The following SNX4 variants were observed in gnomAD, a reference collection of about 807,000 sequenced individuals.
The protein encoded by SNX4 is sorting nexin-4.
A neutral mutation model predicts 70.8 loss-of-function variants in SNX4; 49 were observed. The observed-to-expected ratio is 0.69, with a 90% CI of 0.55 to 0.88. The LOEUF is 0.88. SNX4 is among the 40% of genes least tolerant of loss of function. The pLI, the probability that SNX4 is intolerant of heterozygous loss-of-function variation, is 0.00. For missense variants in SNX4, 528 were observed against 544.8 expected, an observed-to-expected ratio of 0.97 and a Z score of 0.31; for synonymous variants, 206 against 183.8, an observed-to-expected ratio of 1.12 and a Z score of -0.98.
At chr3:125,499,715 T>C (rs1934882122) in intron 2 of SNX4, among the ~76,000 whole-genome samples, 1 of 148,916 alleles carries the variant, frequency 6.7e-6, no homozygotes, top group African/African-American at 2.5e-5. Flanking sequence ...AAATAAAGCC[T>C]ATAAGCAGTA....
Position 125,480,203 on chromosome 3 carries a change from C to G in SNX4, c.726+44G>C, listed in dbSNP as rs775649039. On this transcript the variant is annotated intron_variant, in intron 7 of 13. Transcript: ENST00000251775. ...AAACAGAATGATTACATGAGAAGCA[C>G]TTCCTTATGCATGTGCATCAAAAAG... 4.1e-6 allele frequency: 5 copies of G among 1,230,346 alleles called. No homozygotes were observed. The South Asian group carries it at 7.9e-5, about 20-fold the overall frequency. The allele number at this position is 1,230,346 out of a possible 1,614,324, so 76.2% of individuals were successfully genotyped here. A position where few individuals can be genotyped will look rare whatever the true frequency, so the allele number is the denominator to read the frequency against.
intron 9 of SNX4, among the ~76,000 whole-genome samples, chr3:125,468,460 G>T (rs1021850329): frequency 6.6e-6 from 1 of 152,138 alleles, no homozygotes; most frequent in Non-Finnish European, 1.5e-5. Context: ...CAGCACTTTG[G>T]GAGGTTGAGA....
chr3:125,503,122 G>T (rs946008685), intron 2 of SNX4, among the ~76,000 whole-genome samples: 1 of 151,980 alleles, frequency 6.6e-6, no homozygotes, highest in Non-Finnish European at 1.5e-5. Flanking sequence ...GGCCAGGGTG[G>T]TCTCAAACTC....
At chr3:125,464,528 TGTACAGA>T (rs1407425993) in intron 9 of SNX4, among the ~76,000 whole-genome samples, 1 of 151,562 alleles carries the variant, frequency 6.6e-6, no homozygotes, top group Non-Finnish European at 1.5e-5. Context: ...AGTCTATTTC[TGTACAGA>T]ATTCTGTTCC....
intron 6 of SNX4, among the ~76,000 whole-genome samples, chr3:125,484,043 G>A (rs984773184): frequency 6.6e-6 from 1 of 152,248 alleles, no homozygotes; most frequent in Non-Finnish European, 1.5e-5. Flanking sequence ...CTAGGAAGAT[G>A]GTGACATAAA....
chr3:125,504,559 T>G, intron 2 of SNX4, 64 bp downstream of exon 2: 3 of 1,471,352 alleles, frequency 2.0e-6, no homozygotes, highest in Admixed American at 4.0e-5. Flanking sequence ...CAGCAGAGTC[T>G]GCATCAATAG....
intron 8 of SNX4, among the ~76,000 whole-genome samples, chr3:125,469,997 A>C (rs1934124877): frequency 6.6e-6 from 1 of 152,210 alleles, no homozygotes; most frequent in Non-Finnish European, 1.5e-5. Context: ...CAGTAGGTGC[A>C]GAGTAAAGTT....
chr3:125,506,817 T>TGAAAAAAAAAAAAAAAA (rs199752160), intron 1 of SNX4, among the ~76,000 whole-genome samples: 2 of 26,820 alleles, frequency 7.5e-5, no homozygotes, highest in African/African-American at 1.9e-4. Context: ...GTGGAGAAAG[T>TGAAAAAAAAAAAAAAAA]AAAAAAAAAA....
chr3:125,482,049 T>C (rs1340914918), intron 6 of SNX4, among the ~76,000 whole-genome samples: 1 of 152,184 alleles, frequency 6.6e-6, no homozygotes, highest in Non-Finnish European at 1.5e-5. Flanking sequence ...CAGGTAGTTA[T>C]ACTTTGAAAA....
chr3:125,511,861 G>A (rs1935180780), intron 1 of SNX4, among the ~76,000 whole-genome samples: 1 of 152,058 alleles, frequency 6.6e-6, no homozygotes, highest in Non-Finnish European at 1.5e-5. Flanking sequence ...CCACTATAAG[G>A]TCTGAAAGAG....
chr3:125,519,957 CA>C, intron 1 of SNX4, 74 bp downstream of exon 1: 2 of 1,200,540 alleles, frequency 1.7e-6, no homozygotes, highest in Non-Finnish European at 1.1e-6. Flanking sequence ...CGGCCCAGCC[CA>C]GCCCAGCCCA....
At chr3:125,458,763 C>T (rs571265368) in intron 10 of SNX4, among the ~76,000 whole-genome samples, 1 of 124,970 alleles carries the variant, frequency 8.0e-6, no homozygotes, top group South Asian at 2.7e-4. Flanking sequence ...TGCAGTGAGC[C>T]GAGATCACGC....
chr3:125,486,414 T>C (rs1366591759), intron 6 of SNX4, among the ~76,000 whole-genome samples: 2 of 152,204 alleles, frequency 1.3e-5, no homozygotes, highest in Admixed American at 1.3e-4. Context: ...ATGAAACTTC[T>C]ACTATGCAAT....
intron 1 of SNX4, among the ~76,000 whole-genome samples, chr3:125,516,406 A>G (rs1470013089): frequency 6.6e-6 from 1 of 152,226 alleles, no homozygotes; most frequent in African/African-American, 2.4e-5. Context: ...ACAGAAAAAG[A>G]GCTTACATAG....
chr3:125,494,995 T>C (rs1934751677), intron 5 of SNX4, among the ~76,000 whole-genome samples: 1 of 152,022 alleles, frequency 6.6e-6, no homozygotes, highest in African/African-American at 2.4e-5. Context: ...CACTCACTTT[T>C]TAATCCTCTG....
At chr3:125,484,052 A>C (rs1302650680) in intron 6 of SNX4, among the ~76,000 whole-genome samples, 1 of 152,212 alleles carries the variant, frequency 6.6e-6, no homozygotes, top group African/African-American at 2.4e-5. Flanking sequence ...TGGTGACATA[A>C]AACTTCCCTC....
At chr3:125,470,679 G>C (rs975171383) in intron 8 of SNX4, among the ~76,000 whole-genome samples, 1 of 151,904 alleles carries the variant, frequency 6.6e-6, no homozygotes, top group African/African-American at 2.4e-5. Flanking sequence ...TCAAGATTTT[G>C]GACAGGAATG....
In SNX4 at chr3:125,520,179, A is replaced by C. The variant is rs941453187; in HGVS notation, c.-7T>G. 7.1e-6 allele frequency: 8 copies of C among 1,129,814 alleles called. No individual in the cohort carries two copies. Among genetic ancestry groups the C allele is most frequent in the African/African-American group, 1.7e-5 (1 of 57,472 alleles). The allele number at this position is 1,129,814 out of a possible 1,614,324, so 70.0% of individuals were successfully genotyped here. A position where few individuals can be genotyped will look rare whatever the true frequency, so the allele number is the denominator to read the frequency against. On this transcript the variant is annotated 5_prime_UTR_variant, in exon 1 of 14. Coordinates refer to ENST00000251775, the MANE Select transcript of SNX4 (RefSeq NM_003794.4). ...CCGGAGGTGCCTGCTCCATGGCTGCAGTTCGGCGCGGCGAACCCAGTGCGC... is the reference window on the plus strand; with the variant it reads ...CCGGAGGTGCCTGCTCCATGGCTGCCGTTCGGCGCGGCGAACCCAGTGCGC...
intron 6 of SNX4, among the ~76,000 whole-genome samples, chr3:125,489,204 A>G (rs1206191031): frequency 6.6e-6 from 1 of 152,214 alleles, no homozygotes; most frequent in Non-Finnish European, 1.5e-5. Flanking sequence ...CAATGGTTTA[A>G]TTTTATAAAA....
Sources: allele counts gnomAD v4.1 joint callset (sites outside exome capture counted in the v4.1 genomes callset), GRCh38; gene constraint gnomAD v4.1.1; transcripts MANE v1.5; gene names NCBI Gene and HGNC (gene_info 2026-07-23, HGNC 2026-07-21).